The following METAP1D variants were observed in gnomAD, a reference collection of about 807,000 sequenced individuals.
METAP1D encodes methionine aminopeptidase 1D, mitochondrial.
A neutral mutation model predicts 40.5 loss-of-function variants in METAP1D; 31 were observed. The ratio of observed to expected loss-of-function variants is 0.77; its 90% CI spans 0.58 to 1.03. The LOEUF (loss-of-function observed/expected upper bound fraction) is 1.03, where lower values mean the gene tolerates loss of function less well. Among genes scored for constraint, METAP1D ranks in the 50% least tolerant of loss-of-function variants. The pLI is 0.00. For missense variants in METAP1D, 411 were observed against 420.7 expected (o/e 0.98, Z 0.20); for synonymous variants, 151 against 146.4 (o/e 1.03, Z -0.22).
At chr2:172,027,149 G>A (rs1392948876) in intron 1 of METAP1D, among the ~76,000 whole-genome samples, 1 of 152,160 alleles carries the variant, frequency 6.6e-6, no homozygotes, top group Non-Finnish European at 1.5e-5. Flanking sequence ...TAGGGTAGAT[G>A]ATAAATACTA....
rs1221527332 is a variant in METAP1D at position 172,077,868 on chromosome 2, A to G, written c.776A>G (p.His259Arg). 4 of 1,609,224 alleles carry G rather than the reference A, an allele frequency of 2.5e-6. No individual in the cohort carries two copies. Among genetic ancestry groups the G allele is most frequent in the Non-Finnish European group, 8.5e-7 (1 of 1,176,228 alleles). The part of the protein sequence containing the change: ...FVGHGIGSYF[H>R]GHPEIWHHAN... The stretch of plus-strand genomic sequence containing the variant: ...GGACATGGAATAGGATCTTACTTTC[A>G]TGGACATCCAGAAATTTGGCATCAT... The change falls in exon 7 of 10, where the codon CAT becomes CGT. Residue 259 changes from histidine (H) to arginine (R), a missense_variant. Coordinates refer to ENST00000315796, the MANE Select transcript of METAP1D (RefSeq NM_199227.3).
At chr2:172,050,233 A>G (rs1689858361) in intron 1 of METAP1D, among the ~76,000 whole-genome samples, 1 of 152,204 alleles carries the variant, frequency 6.6e-6, no homozygotes, top group Non-Finnish European at 1.5e-5. Flanking sequence ...GACTAAAATC[A>G]TGCTCTTTTC....
At chr2:172,064,733 G>A (rs1406848936) in intron 3 of METAP1D, among the ~76,000 whole-genome samples, 1 of 152,020 alleles carries the variant, frequency 6.6e-6, no homozygotes, top group Non-Finnish European at 1.5e-5. Context: ...TCTGCCAAAA[G>A]GTGGGCAGAA....
chr2:172,023,073 A>G (rs1429907527), intron 1 of METAP1D, among the ~76,000 whole-genome samples: 1 of 152,220 alleles, frequency 6.6e-6, no homozygotes, highest in East Asian at 1.9e-4. Flanking sequence ...CTGTAATTCC[A>G]GCTACTCAGG....
intron 3 of METAP1D, among the ~76,000 whole-genome samples, chr2:172,064,970 G>C (rs933565068): frequency 3.3e-5 from 5 of 152,064 alleles, no homozygotes; most frequent in Non-Finnish European, 5.9e-5. Flanking sequence ...TTTTCTTTTA[G>C]TTTGGGAGCA....
At chr2:172,059,909 G>A (rs1005611618) in intron 1 of METAP1D, among the ~76,000 whole-genome samples, 1 of 152,028 alleles carries the variant, frequency 6.6e-6, no homozygotes, top group Non-Finnish European at 1.5e-5. Context: ...AAATTAGCCG[G>A]GCCTGGTGGT....
chr2:172,022,620 T>C (rs545374810), intron 1 of METAP1D, among the ~76,000 whole-genome samples: 1 of 152,294 alleles, frequency 6.6e-6, no homozygotes, highest in South Asian at 2.1e-4. Flanking sequence ...GCAATCTGGG[T>C]TGTATTAGAT....
At chr2:172,049,492 G>A (rs886609966) in intron 1 of METAP1D, among the ~76,000 whole-genome samples, 1 of 151,874 alleles carries the variant, frequency 6.6e-6, no homozygotes. Context: ...CATCTATGGA[G>A]CTCCCCTTTT....
intron 1 of METAP1D, among the ~76,000 whole-genome samples, chr2:172,058,547 CT>C (rs77988030): frequency 0.071 from 10,625 of 150,212 alleles, 896 homozygotes; most frequent in East Asian, 0.45. Flanking sequence ...TATCAAGCAA[CT>C]TTTTTTTTTT....
chr2:172,065,714 C>T lies in METAP1D; in HGVS notation c.459C>T (p.Thr153=), dbSNP rs1478597504. 1 of 1,613,902 alleles carries T rather than the reference C, an allele frequency of 6.2e-7. No individual in the cohort carries two copies. Among genetic ancestry groups the T allele is most frequent in the Non-Finnish European group, 8.5e-7 (1 of 1,179,894 alleles). ...GYGGFPKSVC[T]SVNNVLCHGI... is the part of the protein sequence containing the mutation. ...GAGGTTTTCCAAAATCTGTTTGTAC[C>T]TCTGTAAACAACGTGCTCTGTCATG... Residue 153 remains threonine (T), a synonymous_variant, in exon 4 of 10, where the codon ACC becomes ACT. Coordinates refer to ENST00000315796, the MANE Select transcript of METAP1D (RefSeq NM_199227.3).
At chr2:172,030,703 C>A (rs12052246) in intron 1 of METAP1D, among the ~76,000 whole-genome samples, 78,371 of 152,076 alleles carry the variant, frequency 0.52, 21,341 homozygotes, top group East Asian at 0.64. Context: ...GACATCAATT[C>A]GCAGGAAATA....
In METAP1D at chr2:172,043,040, C is replaced by T. The variant is rs1275547743; in HGVS notation, c.41-18458C>T. Among the ~76,000 whole-genome samples, 52 of 112,412 alleles carry T rather than the reference C, an allele frequency of 4.6e-4. 5 individuals are homozygous for T. The highest frequency in any genetic ancestry group is 1.4e-3 in the African/African-American group (51 of 35,334). The allele number at this position is 112,412 out of a possible 152,430, so 73.7% of individuals were successfully genotyped here. A position where few individuals can be genotyped will look rare whatever the true frequency, so the allele number is the denominator to read the frequency against. On this transcript the variant is annotated intron_variant, in intron 1 of 9. Transcript: ENST00000315796. Reference sequence around the variant, plus strand: ...GTACACATATATGTGTATATGTGTACACGTGTACACATATATGTGTATATA... The same window carrying T: ...GTACACATATATGTGTATATGTGTATACGTGTACACATATATGTGTATATA...
At chr2:172,012,600 C>T (rs6715929) in intron 1 of METAP1D, among the ~76,000 whole-genome samples, 97,995 of 152,070 alleles carry the variant, frequency 0.64, 32,065 homozygotes, top group South Asian at 0.72. Flanking sequence ...AAGACAGTCT[C>T]GCAAAGCCAG....
At chr2:172,013,218 G>C (rs1024135747) in intron 1 of METAP1D, among the ~76,000 whole-genome samples, 4 of 152,202 alleles carry the variant, frequency 2.6e-5, no homozygotes, top group African/African-American at 9.7e-5. Context: ...AGCAGGACTT[G>C]GCTTCTGTCC....
chr2:172,008,445 A>G (rs150019024), intron 1 of METAP1D, among the ~76,000 whole-genome samples: 6 of 152,248 alleles, frequency 3.9e-5, no homozygotes, highest in African/African-American at 1.4e-4. Context: ...CTCCTTATTT[A>G]TCAGTTTTTA....
rs141080656 is a variant in METAP1D at position 172,031,836 on chromosome 2, T to C, written c.41-29662T>C. ...ATCCCAAAATAAAGCCCTACGTCGTTGACTTTTCAGCCATGGGAATAACCA... is the reference window on the plus strand; with the variant it reads ...ATCCCAAAATAAAGCCCTACGTCGTCGACTTTTCAGCCATGGGAATAACCA... On this transcript the variant is annotated intron_variant, in intron 1 of 9. Transcript: ENST00000315796. 2.0e-3 allele frequency among the ~76,000 whole-genome samples: 301 copies of C among 152,320 alleles called. 1 individual carries two copies. Among genetic ancestry groups the C allele is most frequent in the Non-Finnish European group, 3.6e-3 (242 of 68,018 alleles).
chr2:172,065,456 AATC>A (rs1428658578), intron 3 of METAP1D, 145 bp from the exon 4 acceptor site: 1 of 765,826 alleles, frequency 1.3e-6, no homozygotes, highest in African/African-American at 1.8e-5. Flanking sequence ...TTCTAACACT[AATC>A]ATAATTAATT....
chr2:172,009,118 G>A (rs1261903656), intron 1 of METAP1D, among the ~76,000 whole-genome samples: 3 of 151,556 alleles, frequency 2.0e-5, no homozygotes, highest in Admixed American at 1.3e-4. Flanking sequence ...TCTGCTCACT[G>A]CAAACTCCAC....
rs1689613426 is a variant in METAP1D, at chr2:172,042,734, T to TGTGTGTGTATATGTACACATATAC, written c.41-18756_41-18755insATATGTACACATATACGTGTGTGT. On this transcript the variant is annotated intron_variant, in intron 1 of 9. Transcript: ENST00000315796. Reference sequence around the variant, plus strand: ...GTGTGTATATGTGTACACATATACGTGTGTGTGTGTATATGTACACATATA... The same window carrying TGTGTGTGTATATGTACACATATAC: ...GTGTGTATATGTGTACACATATACGTGTGTGTGTATATGTACACATATACGTGTGTGTGTATATGTACACATATA... Among the ~76,000 whole-genome samples, 4 of 7,950 alleles carry TGTGTGTGTATATGTACACATATAC rather than the reference T, an allele frequency of 5.0e-4. 1 individual carries two copies. The highest frequency in any genetic ancestry group is 0.11 in the East Asian group (2 of 18). 5.2% of individuals were successfully genotyped at this position (7,950 alleles called of 152,430 possible). A position where few individuals can be genotyped will look rare whatever the true frequency, so the allele number is the denominator to read the frequency against.
Sources: gnomAD v4.1 joint callset for allele counts (sites outside exome capture counted in the v4.1 genomes callset) on GRCh38, gnomAD v4.1.1 for gene constraint, MANE v1.5 for transcripts, NCBI Gene and HGNC (gene_info 2026-07-23, HGNC 2026-07-21) for gene names.